Variants in MAST4 observed in about 807,000 individuals in gnomAD.
MAST4 encodes the protein microtubule associated serine/threonine kinase family member 4.
MAST4 carries 89 observed loss-of-function variants against 162.7 expected under a neutral mutation model. The ratio of observed to expected loss-of-function variants is 0.55; its 90% confidence interval spans 0.46 to 0.65. The LOEUF is 0.65. MAST4 is among the 30% of genes least tolerant of loss of function. The pLI, the probability that MAST4 is intolerant of heterozygous loss-of-function variation, is 0.00. For synonymous variants in MAST4, 1,479 were observed against 1,361.1 expected, an observed-to-expected ratio of 1.09 and a Z score of -1.91; for missense variants, 3,153 against 3,374.0, an observed-to-expected ratio of 0.93 and a Z score of 1.62.
intron 1 of MAST4, among the ~76,000 whole-genome samples, chr5:66,710,744 T>A (rs1360075013): frequency 6.6e-6 from 1 of 152,214 alleles, no homozygotes; most frequent in African/African-American, 2.4e-5. Flanking sequence ...CCTTATTGTG[T>A]GAGAACGGCC....
At chr5:66,882,155 A>G (rs967350361) in intron 3 of MAST4, among the ~76,000 whole-genome samples, 1 of 152,146 alleles carries the variant, frequency 6.6e-6, no homozygotes, top group Admixed American at 6.6e-5. Context: ...ATTACCTCAC[A>G]TACCTTTATC....
At chr5:67,135,283 T>C (rs1209559831) in intron 18 of MAST4, among the ~76,000 whole-genome samples, 2 of 152,196 alleles carry the variant, frequency 1.3e-5, no homozygotes, top group East Asian at 3.9e-4. Context: ...CTTTTAGATC[T>C]TAACCTGCAA....
At chr5:66,994,732 A>G (rs974143903) in intron 4 of MAST4, among the ~76,000 whole-genome samples, 5 of 152,242 alleles carry the variant, frequency 3.3e-5, no homozygotes, top group Non-Finnish European at 7.3e-5. Context: ...ACCTAGTCTC[A>G]TGGGAAATAA....
rs1240855924 is a variant in MAST4 at position 66,730,810 on chromosome 5, TTGAC to T, written c.364-28898_364-28895del. Among the ~76,000 whole-genome samples, 4 of 151,926 alleles carry T rather than the reference TTGAC, an allele frequency of 2.6e-5. No homozygotes were observed. In the East Asian group the frequency reaches 7.7e-4, roughly 29 times the overall value. On this transcript the variant is annotated intron_variant, in intron 1 of 28. Transcript: ENST00000403625. The stretch of plus-strand genomic sequence containing the variant: ...ATTCAATTATGAAAGAAAATGTTGA[TTGAC>T]AACATGCCATTTTGCTTTATGGATC...
chr5:66,715,449 C>A (rs962093644), intron 1 of MAST4, among the ~76,000 whole-genome samples: 1 of 146,348 alleles, frequency 6.8e-6, no homozygotes, highest in Admixed American at 7.1e-5. Context: ...TTCTTTCATT[C>A]CCATCAACTT....
At chr5:67,143,292 G>A (rs1770650838) in intron 21 of MAST4, among the ~76,000 whole-genome samples, 2 of 139,402 alleles carry the variant, frequency 1.4e-5, no homozygotes, top group South Asian at 4.5e-4. Context: ...AAAAAAAAAA[G>A]TCTTGTAACC....
chr5:66,826,624 T>TA (rs1409677333), intron 3 of MAST4, among the ~76,000 whole-genome samples: 1 of 148,404 alleles, frequency 6.7e-6, no homozygotes, highest in Non-Finnish European at 1.5e-5. Context: ...ATCCCCCGTC[T>TA]CTTTCTCTGT....
intron 1 of MAST4, among the ~76,000 whole-genome samples, chr5:66,733,455 A>G (rs1414749061): frequency 6.6e-6 from 1 of 152,126 alleles, no homozygotes; most frequent in Non-Finnish European, 1.5e-5. Context: ...GAACCCATGA[A>G]TGGGTCATAA....
intron 1 of MAST4, among the ~76,000 whole-genome samples, chr5:66,687,077 CT>C (rs1335054385): frequency 1.3e-5 from 2 of 151,748 alleles, no homozygotes; most frequent in African/African-American, 2.4e-5. Flanking sequence ...TTTCTAGCAG[CT>C]TTTTTTTGTT....
chr5:66,631,135 G>C (rs1379978727), intron 1 of MAST4, among the ~76,000 whole-genome samples: 1 of 152,132 alleles, frequency 6.6e-6, no homozygotes, highest in Non-Finnish European at 1.5e-5. Flanking sequence ...AAATTAGTTA[G>C]TATTGTGGGC....
intron 3 of MAST4, among the ~76,000 whole-genome samples, chr5:66,892,555 A>C (rs773305030): frequency 5.3e-5 from 8 of 152,194 alleles, no homozygotes; most frequent in Non-Finnish European, 1.2e-4. Context: ...AAATTACAGA[A>C]CTTCAAGTGA....
chr5:67,022,948 T>G (rs1168280880), intron 4 of MAST4, among the ~76,000 whole-genome samples: 1 of 152,110 alleles, frequency 6.6e-6, no homozygotes, highest in Non-Finnish European at 1.5e-5. Context: ...TTACCAATGA[T>G]AAATAGGCAT....
chr5:66,959,331 T>TGCATG, intron 4 of MAST4: 1 of 779,492 alleles, frequency 1.3e-6, no homozygotes, highest in Non-Finnish European at 2.4e-6. Flanking sequence ...TAATGCTTTC[T>TGCATG]GCATGGCACT....
At chr5:66,737,911 A>T (rs1752246800) in intron 1 of MAST4, 1 of 152,166 alleles carries the variant, frequency 6.6e-6, no homozygotes, top group South Asian at 2.1e-4. Context: ...TGCCATTTGG[A>T]TTCTTCAAGA....
At chr5:66,835,653 CCAAT>C (rs1297966800) in intron 3 of MAST4, among the ~76,000 whole-genome samples, 5 of 152,148 alleles carry the variant, frequency 3.3e-5, no homozygotes, top group African/African-American at 7.2e-5. Context: ...CATGCAACCA[CCAAT>C]CATTTTGTTG....
chr5:67,058,782 T>C (rs1759184912), intron 5 of MAST4, among the ~76,000 whole-genome samples: 1 of 152,224 alleles, frequency 6.6e-6, no homozygotes, highest in African/African-American at 2.4e-5. Flanking sequence ...AAACTGTTAA[T>C]TGTTTAGCGA....
intron 1 of MAST4, among the ~76,000 whole-genome samples, chr5:66,643,965 G>A (rs1448636964): frequency 7.4e-5 from 11 of 148,638 alleles, no homozygotes; most frequent in Admixed American, 6.0e-4. Flanking sequence ...AGTTATATTA[G>A]TCATTATTGG....
rs949063902 is a variant in MAST4, at chr5:67,152,856, A to G, written c.3515A>G (p.His1172Arg). 6.2e-7 allele frequency: 1 copy of G among 1,613,480 alleles called. No homozygotes were observed. ...GACAGTGACATCTATACAGTGCACC[A>G]TATCGTCTGGGTAAGACCTGCATGT... is the stretch of plus-strand genomic sequence containing the variant. ...VGDSDIYTVH[H>R]IVWNVEEGSP... Residue 1172 changes from histidine to arginine, a missense_variant, in exon 25 of 29, where the codon CAT becomes CGT. Physicochemically the swap from His to Arg is conservative, Grantham distance 29. Transcript: ENST00000403625.
At chr5:66,863,190 A>G (rs1181637728) in intron 3 of MAST4, among the ~76,000 whole-genome samples, 1 of 152,226 alleles carries the variant, frequency 6.6e-6, no homozygotes, top group Non-Finnish European at 1.5e-5. Flanking sequence ...TTCACAGATA[A>G]TATCTAGTTC....
Sources: allele counts gnomAD v4.1 joint callset (sites outside exome capture counted in the v4.1 genomes callset), GRCh38; gene constraint gnomAD v4.1.1; transcripts MANE v1.5; gene names NCBI Gene and HGNC (gene_info 2026-07-23, HGNC 2026-07-21).